PRR16: variants seen among roughly 807,000 people sequenced by gnomAD.
The protein encoded by PRR16 is proline rich 16, also known as protein Largen.
A neutral mutation model predicts 18.2 loss-of-function variants in PRR16; 6 were observed. That is an observed-to-expected ratio of 0.33 (90% CI 0.18 to 0.65). The LOEUF is 0.65. Ranked by LOEUF, PRR16 falls within the 30% of genes least tolerant of loss-of-function variation. The pLI is 0.74. For synonymous variants in PRR16, 151 were observed against 147.8 expected, an observed-to-expected ratio of 1.02 and a Z score of -0.16; for missense variants, 412 against 376.6, an observed-to-expected ratio of 1.09 and a Z score of -0.78.
the PRR16 span, among the ~76,000 whole-genome samples, chr5:120,736,849 T>C: frequency 6.6e-6 from 1 of 152,274 alleles, no homozygotes; most frequent in East Asian, 1.9e-4. Context: ...TTGTGTTCTA[T>C]TGTAAATAGT....
chr5:120,660,116 A>T (rs1049987585), intron 1 of PRR16, among the ~76,000 whole-genome samples: 1 of 152,082 alleles, frequency 6.6e-6, no homozygotes, highest in Non-Finnish European at 1.5e-5. Context: ...TGAAACTAGA[A>T]TAAGGACAGT....
At chr5:120,735,629 A>C in the PRR16 span, among the ~76,000 whole-genome samples, 13 of 151,694 alleles carry the variant, frequency 8.6e-5, no homozygotes, top group South Asian at 2.1e-4. Flanking sequence ...AGAAATGACT[A>C]TTCAAGTCCT....
Position 120,686,109 on chromosome 5 carries a change from AC to A in PRR16, c.320del (p.Pro107GlnfsTer11), listed in dbSNP as rs1371403180. ...TGCAGGCTAATGCACCGCTTATTAA[AC>A]CCCCAGCACACCCGTCTGCTATCCT... ...KVQANAPLIK[P>X]PAHPSAILTV... On this transcript the variant is annotated frameshift_variant, in exon 2 of 2. Coordinates refer to ENST00000407149, the MANE Select transcript of PRR16 (RefSeq NM_001300783.2). LOFTEE classifies it high-confidence loss of function. 1 of 1,613,848 alleles carries A rather than the reference AC, an allele frequency of 6.2e-7. No individual in the cohort carries two copies.
chr5:120,790,694 A>G, the PRR16 span: 2 of 152,140 alleles, frequency 1.3e-5, no homozygotes, highest in Non-Finnish European at 2.9e-5. Context: ...TGAACTTCTA[A>G]TATTTGCACT....
At chr5:120,700,838 C>T in the PRR16 span, among the ~76,000 whole-genome samples, 24 of 152,232 alleles carry the variant, frequency 1.6e-4, no homozygotes, top group East Asian at 3.9e-4. Flanking sequence ...CCGAGGCGAT[C>T]GGGCAGTGTC....
At chr5:120,576,843 C>T (rs141804783) in intron 1 of PRR16, among the ~76,000 whole-genome samples, 73 of 152,218 alleles carry the variant, frequency 4.8e-4, no homozygotes, top group African/African-American at 1.6e-3. Context: ...CAGCTTGCCA[C>T]CTGCAGGTCT....
At chr5:120,566,777 T>A (rs768487089) in intron 1 of PRR16, among the ~76,000 whole-genome samples, 1 of 152,252 alleles carries the variant, frequency 6.6e-6, no homozygotes, top group East Asian at 1.9e-4. Flanking sequence ...TTTCAATGAC[T>A]GTTAATGATT....
the PRR16 span, among the ~76,000 whole-genome samples, chr5:120,761,331 T>C: frequency 6.6e-6 from 1 of 152,200 alleles, no homozygotes; most frequent in Non-Finnish European, 1.5e-5. Context: ...AACAGGATCA[T>C]TTTTTGTTAA....
the PRR16 span, among the ~76,000 whole-genome samples, chr5:120,753,867 A>AT: frequency 1.6e-5 from 1 of 62,678 alleles, no homozygotes; most frequent in South Asian, 4.4e-4. Flanking sequence ...AATATCTTAT[A>AT]TATTATATAT....
chr5:120,706,649 C>T, the PRR16 span, among the ~76,000 whole-genome samples: 1 of 152,282 alleles, frequency 6.6e-6, no homozygotes, highest in Non-Finnish European at 1.5e-5. Flanking sequence ...CCATTTTATG[C>T]AATGCTGAGT....
intron 1 of PRR16, among the ~76,000 whole-genome samples, chr5:120,572,212 A>G (rs1723132638): frequency 6.6e-6 from 1 of 152,122 alleles, no homozygotes; most frequent in African/African-American, 2.4e-5. Context: ...GCCCACCCAA[A>G]TTCCATGGCA....
Position 120,681,057 on chromosome 5 carries a change from C to T in PRR16, c.160-4897C>T, listed in dbSNP as rs565007350. ...GCCTGATAATATCTTATTTCTATAA[C>T]TTTATATTGTCTTTCTGTGTCTCTT... On this transcript the variant is annotated intron_variant, in intron 1 of 1. Transcript: ENST00000407149. Among the ~76,000 whole-genome samples the T allele has an allele frequency of 2.0e-5, 3 of 152,188 alleles. No homozygotes were observed. In the South Asian group the frequency reaches 6.2e-4, roughly 31 times the overall value.
the PRR16 span, among the ~76,000 whole-genome samples, chr5:120,782,647 C>A: frequency 6.6e-6 from 1 of 152,056 alleles, no homozygotes; most frequent in African/African-American, 2.4e-5. Context: ...TGTAAGCATC[C>A]CTGTGTCCAG....
intron 1 of PRR16, among the ~76,000 whole-genome samples, chr5:120,559,893 A>G (rs1752523661): frequency 6.6e-6 from 1 of 151,722 alleles, no homozygotes; most frequent in South Asian, 2.1e-4. Flanking sequence ...ATTTAACTTT[A>G]TGTATGGCTA....
intron 1 of PRR16, among the ~76,000 whole-genome samples, chr5:120,497,014 G>A (rs1249960075): frequency 1.3e-5 from 2 of 151,988 alleles, no homozygotes; most frequent in African/African-American, 2.4e-5. Context: ...AGATTTTAAT[G>A]TTCTCTTTTT....
intron 1 of PRR16, among the ~76,000 whole-genome samples, chr5:120,509,906 G>C (rs1750776398): frequency 6.6e-6 from 1 of 151,780 alleles, no homozygotes; most frequent in South Asian, 2.1e-4. Context: ...TTTTTTCTGC[G>C]ACGTGATCCC....
intron 1 of PRR16, among the ~76,000 whole-genome samples, chr5:120,615,901 T>C (rs1483124625): frequency 2.6e-5 from 4 of 152,158 alleles, no homozygotes; most frequent in African/African-American, 7.2e-5. Flanking sequence ...ACTATATTCA[T>C]GTGTGGATGA....
the PRR16 span, among the ~76,000 whole-genome samples, chr5:120,793,684 G>C: frequency 2.0e-5 from 3 of 152,110 alleles, no homozygotes; most frequent in Non-Finnish European, 4.4e-5. Flanking sequence ...ACAATAAGAA[G>C]GGTAAAAACA....
intron 1 of PRR16, among the ~76,000 whole-genome samples, chr5:120,595,442 A>AT (rs1484028103): frequency 1.3e-5 from 2 of 151,700 alleles, no homozygotes; most frequent in Admixed American, 6.6e-5. Flanking sequence ...GTCAAAAAAA[A>AT]AATAAAAAGA....
Sources: gnomAD v4.1 joint callset for allele counts (sites outside exome capture counted in the v4.1 genomes callset) on GRCh38, gnomAD v4.1.1 for gene constraint, MANE v1.5 for transcripts, NCBI Gene and HGNC (gene_info 2026-07-23, HGNC 2026-07-21) for gene names.